The following C3orf52 variants were observed in gnomAD, a reference collection of about 807,000 sequenced individuals.
C3orf52 encodes the protein TPA-induced transmembrane protein.
C3orf52 carries 22 observed loss-of-function variants against 24.8 expected under a neutral mutation model. The ratio of observed to expected loss-of-function variants is 0.89; its 90% CI spans 0.63 to 1.27. The LOEUF is 1.27. C3orf52 is among the 50% of genes most tolerant of loss of function. C3orf52 has a pLI of 0.00. For synonymous variants in C3orf52, 93 were observed against 100.2 expected, an observed-to-expected ratio of 0.93 and a Z score of 0.43; for missense variants, 265 against 260.7, an observed-to-expected ratio of 1.02 and a Z score of -0.11.
At chr3:112,126,303 A>G (rs1050722604) in intron 4 of C3orf52, among the ~76,000 whole-genome samples, 1 of 152,204 alleles carries the variant, frequency 6.6e-6, no homozygotes, top group Non-Finnish European at 1.5e-5. Flanking sequence ...TAAGGAAGGA[A>G]AAGTCAAAAC....
intron 4 of C3orf52, chr3:112,123,671 A>G (rs779903892): frequency 8.7e-6 from 14 of 1,612,596 alleles, no homozygotes; most frequent in African/African-American, 1.3e-5. Flanking sequence ...GAACATTCTC[A>G]TAGTACTCTT....
chr3:112,092,912 G>A (rs1005912582), intron 1 of C3orf52, among the ~76,000 whole-genome samples: 10 of 152,034 alleles, frequency 6.6e-5, no homozygotes, highest in Non-Finnish European at 1.0e-4. Context: ...CAAGTTTCCA[G>A]TGCACACCCA....
Position 112,123,580 on chromosome 3 carries a change from G to T in C3orf52, c.*46+4018G>T, listed in dbSNP as rs745846995. On this transcript the variant is annotated intron_variant, in intron 4 of 4. Transcript: ENST00000480282. ...TCTTCTGGGGATCGGGCATGCCTGG[G>T]GTCTGTAGAAGGCATATGTAGAAGT... The T allele has an allele frequency of 1.9e-6, 3 of 1,614,060 alleles. No homozygotes were observed. The East Asian group carries it at 6.7e-5, about 36-fold the overall frequency.
At chr3:112,133,334 T>G (rs2074504209), downstream of C3orf52, 1 of 534,730 alleles carries the variant, frequency 1.9e-6, no homozygotes, top group Non-Finnish European at 3.3e-6. Flanking sequence ...TCCTAACATG[T>G]CAGTGCCTGA....
At chr3:112,097,364 A>G (rs1464517165) in intron 2 of C3orf52, among the ~76,000 whole-genome samples, 1 of 152,196 alleles carries the variant, frequency 6.6e-6, no homozygotes, top group African/African-American at 2.4e-5. Context: ...TAAATTGATA[A>G]CATCCTGGAG....
At chr3:112,132,962 G>T, downstream of C3orf52, 1 of 889,406 alleles carries the variant, frequency 1.1e-6, no homozygotes, top group Non-Finnish European at 1.8e-6. Context: ...TGAAGGCTTG[G>T]CAGTTTCCTT....
downstream of C3orf52, among the ~76,000 whole-genome samples, chr3:112,119,139 T>C (rs2074165789): frequency 6.6e-6 from 1 of 152,012 alleles, no homozygotes; most frequent in Admixed American, 6.6e-5. Flanking sequence ...TCCCAGCACT[T>C]TGGGAGGCCG....
chr3:112,102,072 G>A (rs1254535892), intron 2 of C3orf52, among the ~76,000 whole-genome samples: 1 of 149,894 alleles, frequency 6.7e-6, no homozygotes, highest in Non-Finnish European at 1.5e-5. Context: ...CTTCCCTTCT[G>A]CAAGCAGAGC....
At chr3:112,125,007 A>G (rs1023778446) in intron 4 of C3orf52, among the ~76,000 whole-genome samples, 2 of 152,248 alleles carry the variant, frequency 1.3e-5, no homozygotes, top group East Asian at 3.8e-4. Flanking sequence ...TGAAGTGGTC[A>G]GTAAATTTAA....
intron 3 of C3orf52, among the ~76,000 whole-genome samples, chr3:112,105,539 C>CGTGTGTGTGTGTGT (rs3082397): frequency 9.4e-5 from 14 of 148,240 alleles, no homozygotes; most frequent in African/African-American, 3.5e-4. Context: ...CTTCTTTGGC[C>CGTGTGTGTGTGTGT]GTGTGTGTGT....
chr3:112,093,505 T>A lies in C3orf52; in HGVS notation c.268+16T>A, dbSNP rs368291988. 692 of 1,607,552 alleles carry A rather than the reference T, an allele frequency of 4.3e-4. 1 individual carries two copies. Among genetic ancestry groups the A allele is most frequent in the Middle Eastern group, 2.0e-3 (12 of 6,040 alleles). ...CTTGCTGCAGGTAAGAGGATTTAGATGTGAATAAATAACACATTTTAAGAA... is the reference window on the plus strand; with the variant it reads ...CTTGCTGCAGGTAAGAGGATTTAGAAGTGAATAAATAACACATTTTAAGAA... On this transcript the variant is annotated intron_variant, in intron 2 of 5. Coordinates refer to ENST00000264848, the MANE Select transcript of C3orf52 (RefSeq NM_024616.3).
chr3:112,126,492 A>G (rs558241254), intron 4 of C3orf52, among the ~76,000 whole-genome samples: 1 of 152,172 alleles, frequency 6.6e-6, no homozygotes. Context: ...TTCTTCTGGT[A>G]TCTGCTCTTC....
chr3:112,093,815 G>A (rs2107775976), intron 2 of C3orf52, among the ~76,000 whole-genome samples: 1 of 152,132 alleles, frequency 6.6e-6, no homozygotes, highest in Admixed American at 6.5e-5. Context: ...TTTATATCCT[G>A]ATACCTGTTG....
At chr3:112,096,086 C>T (rs1178194785) in intron 2 of C3orf52, among the ~76,000 whole-genome samples, 1 of 152,186 alleles carries the variant, frequency 6.6e-6, no homozygotes, top group African/African-American at 2.4e-5. Context: ...CATTCATTGC[C>T]TGCTTACCCT....
rs926525572 is a variant in C3orf52, at chr3:112,097,382, T to C, written c.268+3893T>C. On this transcript the variant is annotated intron_variant, in intron 2 of 5. Coordinates refer to ENST00000264848, the MANE Select transcript of C3orf52 (RefSeq NM_024616.3). ...ATTGATAACATCCTGGAGACCCTCA[T>C]GTGATATCCCCCAACATTATACCCC... 3.9e-5 allele frequency among the ~76,000 whole-genome samples: 6 copies of C among 152,194 alleles called. No homozygotes were observed. The South Asian group carries it at 1.2e-3, about 32-fold the overall frequency.
intron 4 of C3orf52, 33 bp downstream of exon 4, chr3:112,109,646 T>G: frequency 7.1e-7 from 1 of 1,399,404 alleles, no homozygotes. Context: ...TTTGCTCTCT[T>G]TCTCTGGAAA....
downstream of C3orf52, among the ~76,000 whole-genome samples, chr3:112,135,719 C>A (rs572741694): frequency 6.6e-6 from 1 of 152,272 alleles, no homozygotes; most frequent in Non-Finnish European, 1.5e-5. Flanking sequence ...TATTATATAC[C>A]TAATGCCTGA....
At chr3:112,095,429 A>T (rs1380591785) in intron 2 of C3orf52, among the ~76,000 whole-genome samples, 1 of 152,132 alleles carries the variant, frequency 6.6e-6, no homozygotes, top group African/African-American at 2.4e-5. Flanking sequence ...AGAGATCTAG[A>T]TGGTTTAATA....
intron 2 of C3orf52, among the ~76,000 whole-genome samples, chr3:112,095,359 T>C (rs1422810564): frequency 1.3e-5 from 2 of 152,202 alleles, no homozygotes; most frequent in African/African-American, 2.4e-5. Context: ...GTTGGTGCTA[T>C]CCTAGAAGTT....
Sources: allele counts gnomAD v4.1 joint callset (sites outside exome capture counted in the v4.1 genomes callset), GRCh38; gene constraint gnomAD v4.1.1; transcripts MANE v1.5; gene names NCBI Gene and HGNC (gene_info 2026-07-23, HGNC 2026-07-21).